GRM7: variants seen among roughly 807,000 people sequenced by gnomAD.
GRM7 encodes metabotropic glutamate receptor 7.
Under a neutral mutation model 84.5 loss-of-function variants are expected in GRM7, and 35 were observed. The ratio of observed to expected loss-of-function variants is 0.41; its 90% confidence interval spans 0.32 to 0.55. The LOEUF (loss-of-function observed/expected upper bound fraction) is 0.55, where lower values mean the gene tolerates loss of function less well. Ranked by LOEUF, GRM7 falls within the 20% of genes least tolerant of loss-of-function variation. The pLI is 0.19. For synonymous variants in GRM7, 487 were observed against 455.1 expected (o/e 1.07, Z -0.89); for missense variants, 1,003 against 1,194.6 (o/e 0.84, Z 2.36).
chr3:7,044,474 T>C (rs1316187772), intron 1 of GRM7, among the ~76,000 whole-genome samples: 1 of 152,208 alleles, frequency 6.6e-6, no homozygotes, highest in African/African-American at 2.4e-5. Flanking sequence ...ATTTTTAAAA[T>C]ATGAGAAAAT....
rs199847429 is a variant in GRM7, at chr3:7,369,411, C to T, written c.1034-45612C>T. On this transcript the variant is annotated intron_variant, in intron 4 of 9. Coordinates refer to ENST00000357716, the MANE Select transcript of GRM7 (RefSeq NM_000844.4). ...GGCCAGGGAGGTGAGGGCACACATT[C>T]ATTTTTTTTTTTTTTCCCAGAAAGA... 1.2e-4 allele frequency among the ~76,000 whole-genome samples: 11 copies of T among 90,382 alleles called. No homozygotes were observed. In the East Asian group the frequency reaches 3.1e-3, roughly 25 times the overall value. 59.3% of individuals were successfully genotyped at this position (90,382 alleles called of 152,430 possible).
intron 8 of GRM7, among the ~76,000 whole-genome samples, chr3:7,608,893 AT>A (rs1203536434): frequency 6.6e-6 from 1 of 152,122 alleles, no homozygotes; most frequent in South Asian, 2.1e-4. Context: ...ATTTTTCTGT[AT>A]GATGTAAGAA....
intron 1 of GRM7, among the ~76,000 whole-genome samples, chr3:6,900,504 C>T (rs760325915): frequency 6.6e-6 from 1 of 152,154 alleles, no homozygotes; most frequent in Admixed American, 6.5e-5. Flanking sequence ...GAAAGATAAC[C>T]TTTGCCCTGA....
intron 2 of GRM7, among the ~76,000 whole-genome samples, chr3:7,242,546 A>C (rs1402682219): frequency 1.3e-5 from 2 of 152,200 alleles, no homozygotes; most frequent in Non-Finnish European, 2.9e-5. Flanking sequence ...TGCACATATG[A>C]ATGCAATTGT....
intron 9 of GRM7, among the ~76,000 whole-genome samples, chr3:7,699,756 T>C (rs1701158313): frequency 6.6e-6 from 1 of 152,146 alleles, no homozygotes; most frequent in Non-Finnish European, 1.5e-5. Context: ...GTTCCAAGCT[T>C]CTAACCAACT....
chr3:7,703,652 A>C (rs1701301121), intron 9 of GRM7, among the ~76,000 whole-genome samples: 1 of 152,200 alleles, frequency 6.6e-6, no homozygotes, highest in South Asian at 2.1e-4. Flanking sequence ...CATCTGGCCC[A>C]GTCTTTCCCA....
intron 1 of GRM7, among the ~76,000 whole-genome samples, chr3:7,140,712 A>T (rs1362594812): frequency 6.6e-6 from 1 of 152,044 alleles, no homozygotes; most frequent in Admixed American, 6.6e-5. Context: ...TTACCTGGAT[A>T]TCCTGAGGAA....
intron 1 of GRM7, among the ~76,000 whole-genome samples, chr3:6,991,389 C>T (rs1375904743): frequency 4.6e-5 from 7 of 152,074 alleles, no homozygotes; most frequent in Admixed American, 6.5e-5. Flanking sequence ...TAAGGAGAAA[C>T]GCTTGACTGC....
intron 1 of GRM7, among the ~76,000 whole-genome samples, chr3:7,066,208 C>A (rs751464348): frequency 1.3e-5 from 2 of 151,530 alleles, no homozygotes; most frequent in Non-Finnish European, 2.9e-5. Flanking sequence ...AAAAAACAAA[C>A]AAAATTTACA....
rs1047089785 is a variant in GRM7, at chr3:7,533,788, C to A, written c.1516-44634C>A. ...CCACTGGTAAGAGATAATGCCATGGCCTATGTTCAACTGCCAACTTTCCCT... is the reference window on the plus strand; with the variant it reads ...CCACTGGTAAGAGATAATGCCATGGACTATGTTCAACTGCCAACTTTCCCT... On this transcript the variant is annotated intron_variant, in intron 7 of 9. Transcript: ENST00000357716. 1.3e-5 allele frequency among the ~76,000 whole-genome samples: 2 copies of A among 152,142 alleles called. 1 individual carries two copies. The highest frequency in any genetic ancestry group is 6.3e-3 in the Middle Eastern group (2 of 316).
intron 7 of GRM7, 37 bp downstream of exon 7, chr3:7,461,759 A>C (rs1247477987): frequency 6.3e-7 from 1 of 1,593,542 alleles, no homozygotes; most frequent in Non-Finnish European, 8.6e-7. Context: ...CCTTGTTGAG[A>C]TGAATGAACA....
intron 2 of GRM7, among the ~76,000 whole-genome samples, chr3:7,250,821 G>A (rs1200269508): frequency 6.6e-6 from 1 of 152,158 alleles, no homozygotes; most frequent in Non-Finnish European, 1.5e-5. Context: ...ACCGCATCAA[G>A]CCAATATTAT....
chr3:7,111,641 A>G (rs907060483), intron 1 of GRM7, among the ~76,000 whole-genome samples: 1 of 152,148 alleles, frequency 6.6e-6, no homozygotes, highest in Non-Finnish European at 1.5e-5. Flanking sequence ...GGATAATTGG[A>G]TAGACTCATT....
intron 7 of GRM7, among the ~76,000 whole-genome samples, chr3:7,571,043 G>A (rs1177509682): frequency 6.6e-6 from 1 of 152,146 alleles, no homozygotes; most frequent in Non-Finnish European, 1.5e-5. Context: ...TGGGACCGCA[G>A]TGCACCAATT....
At chr3:7,230,127 C>A (rs1329180807) in intron 2 of GRM7, among the ~76,000 whole-genome samples, 10 of 152,082 alleles carry the variant, frequency 6.6e-5, no homozygotes, top group Non-Finnish European at 1.5e-4. Flanking sequence ...GCATGAGCCA[C>A]CGCGCCTGGC....
chr3:7,016,185 C>A (rs961411198), intron 1 of GRM7, among the ~76,000 whole-genome samples: 24 of 152,214 alleles, frequency 1.6e-4, no homozygotes, highest in African/African-American at 5.8e-4. Context: ...AGGTAAATTA[C>A]TTTCTTTCTT....
intron 1 of GRM7, among the ~76,000 whole-genome samples, chr3:6,889,184 C>T (rs995392538): frequency 1.3e-5 from 2 of 152,202 alleles, no homozygotes; most frequent in East Asian, 1.9e-4. Context: ...CAAACAGGGA[C>T]AATTTGACTT....
At chr3:7,596,681 A>C (rs1293202705) in intron 8 of GRM7, among the ~76,000 whole-genome samples, 2 of 152,162 alleles carry the variant, frequency 1.3e-5, no homozygotes, top group Non-Finnish European at 2.9e-5. Context: ...CAATGGGGTC[A>C]CTACTGGAAA....
At chr3:7,625,108 A>G (rs977951292) in intron 8 of GRM7, among the ~76,000 whole-genome samples, 1 of 152,190 alleles carries the variant, frequency 6.6e-6, no homozygotes, top group African/African-American at 2.4e-5. Context: ...ACACTATGCA[A>G]TGACTGCTTA....
Sources: gnomAD v4.1 joint callset for allele counts (sites outside exome capture counted in the v4.1 genomes callset) on GRCh38, gnomAD v4.1.1 for gene constraint, MANE v1.5 for transcripts, NCBI Gene and HGNC (gene_info 2026-07-23, HGNC 2026-07-21) for gene names.